PTPRM: variants seen among roughly 807,000 people sequenced by gnomAD.
PTPRM encodes the protein receptor-type tyrosine-protein phosphatase mu.
A neutral mutation model predicts 186.7 loss-of-function variants in PTPRM; 47 were observed. The observed-to-expected ratio is 0.25, with a 90% CI of 0.20 to 0.32. The LOEUF is 0.32. Among genes scored for constraint, PTPRM ranks in the 10% least tolerant of loss-of-function variants. PTPRM has a pLI of 1.00. For synonymous variants in PTPRM, 668 were observed against 674.9 expected (o/e 0.99, Z 0.16); for missense variants, 1,494 against 1,865.0 (o/e 0.80, Z 3.66).
intron 19 of PTPRM, among the ~76,000 whole-genome samples, chr18:8,259,131 T>C (rs1384336162): frequency 6.6e-6 from 1 of 152,108 alleles, no homozygotes; most frequent in Non-Finnish European, 1.5e-5. Flanking sequence ...GTATTTTTAG[T>C]AGAGATGGAT....
intron 7 of PTPRM, among the ~76,000 whole-genome samples, chr18:8,047,731 A>G (rs1316481239): frequency 6.6e-6 from 1 of 151,948 alleles, no homozygotes; most frequent in Non-Finnish European, 1.5e-5. Flanking sequence ...GAAGAGGGTA[A>G]GATGGGTGTG....
intron 20 of PTPRM, among the ~76,000 whole-genome samples, chr18:8,303,400 T>C (rs770931092): frequency 1.2e-4 from 19 of 152,176 alleles, no homozygotes; most frequent in Non-Finnish European, 2.5e-4. Context: ...GTTGCTCACA[T>C]TGAAGGCTTC....
At chr18:8,137,138 T>C (rs1217734636) in intron 13 of PTPRM, among the ~76,000 whole-genome samples, 1 of 152,214 alleles carries the variant, frequency 6.6e-6, no homozygotes, top group African/African-American at 2.4e-5. Flanking sequence ...CCCTGTCGCA[T>C]CTCTTAAGGT....
At chr18:8,115,744 C>G (rs1290134501) in intron 13 of PTPRM, among the ~76,000 whole-genome samples, 1 of 152,046 alleles carries the variant, frequency 6.6e-6, no homozygotes, top group Non-Finnish European at 1.5e-5. Context: ...GATAAAATAA[C>G]TTTTTGTTGT....
rs117109798 is a variant in PTPRM, at chr18:8,365,214, C to T, written c.3055-5676C>T. Among the ~76,000 whole-genome samples, 1,516 of 152,324 alleles carry T rather than the reference C, an allele frequency of 1.0e-2. 11 individuals carry two copies. The highest frequency in any genetic ancestry group is 0.015 in the Non-Finnish European group (1,037 of 68,024). ...GCCCTGTAGCTGGAGTCAGAGCCTG[C>T]GTTTCAGCCTCTCCTTCACCACCAT... On this transcript the variant is annotated intron_variant, in intron 23 of 32. Coordinates refer to ENST00000580170, the MANE Select transcript of PTPRM (RefSeq NM_001105244.2).
At chr18:7,726,151 G>T (rs139971280) in intron 1 of PTPRM, among the ~76,000 whole-genome samples, 3 of 152,232 alleles carry the variant, frequency 2.0e-5, no homozygotes, top group East Asian at 3.9e-4. Context: ...GCACCAGCAC[G>T]AGTGCACTCC....
rs575406413 is a variant in PTPRM, at chr18:8,191,944, C to T, written c.2300+48165C>T. On this transcript the variant is annotated intron_variant, in intron 14 of 32. Coordinates refer to ENST00000580170, the MANE Select transcript of PTPRM (RefSeq NM_001105244.2). ...AAAGATTTCAAGTAACTTCTGAACACATATCATTTTCTATATATTCTTGTA... is the reference window on the plus strand; with the variant it reads ...AAAGATTTCAAGTAACTTCTGAACATATATCATTTTCTATATATTCTTGTA... 1.3e-3 allele frequency among the ~76,000 whole-genome samples: 197 copies of T among 152,236 alleles called. 1 individual carries two copies. The highest frequency in any genetic ancestry group is 4.6e-3 in the African/African-American group (189 of 41,530).
At chr18:8,272,789 C>A (rs555225581) in intron 19 of PTPRM, among the ~76,000 whole-genome samples, 1 of 152,086 alleles carries the variant, frequency 6.6e-6, no homozygotes, top group Admixed American at 6.5e-5. Context: ...TTAGATCAAG[C>A]TTTTGTTCAC....
At chr18:7,661,424 C>G (rs2038978314) in intron 1 of PTPRM, among the ~76,000 whole-genome samples, 1 of 152,224 alleles carries the variant, frequency 6.6e-6, no homozygotes, top group South Asian at 2.1e-4. Flanking sequence ...TTGTAAAGAC[C>G]TTAGCCCTGA....
At position 7,791,111 on chromosome 18, in the gene PTPRM, G is replaced by A. The variant is rs181403381; in HGVS notation, c.196+16840G>A. On this transcript the variant is annotated intron_variant, in intron 2 of 32. Coordinates refer to ENST00000580170, the MANE Select transcript of PTPRM (RefSeq NM_001105244.2). The stretch of plus-strand genomic sequence containing the variant: ...TAAATAATGAATTACATTCATGTAA[G>A]ACATTTTTACTTACCTTTTATGCCA... 7.9e-5 allele frequency among the ~76,000 whole-genome samples: 12 copies of A among 152,160 alleles called. No homozygotes were observed. In the East Asian group the frequency reaches 2.1e-3, roughly 27 times the overall value.
intron 10 of PTPRM, among the ~76,000 whole-genome samples, chr18:8,088,212 T>C (rs10083946): frequency 0.022 from 3,399 of 152,284 alleles, 54 homozygotes; most frequent in African/African-American, 0.047. Context: ...CTGTCATGCT[T>C]TTCTGAGAGC....
At chr18:7,623,193 C>T (rs113592601) in intron 1 of PTPRM, among the ~76,000 whole-genome samples, 57 of 152,066 alleles carry the variant, frequency 3.7e-4, no homozygotes, top group Admixed American at 6.5e-4. Context: ...TTACTTAAAA[C>T]GATTTTGCTT....
At chr18:8,405,339 TC>T (rs2095899319) in intron 32 of PTPRM, among the ~76,000 whole-genome samples, 1 of 152,054 alleles carries the variant, frequency 6.6e-6, no homozygotes, top group South Asian at 2.1e-4. Context: ...ACGTACTTTA[TC>T]CAAACTAGGG....
At chr18:7,597,555 C>A (rs1482955278) in intron 1 of PTPRM, among the ~76,000 whole-genome samples, 1 of 152,152 alleles carries the variant, frequency 6.6e-6, no homozygotes, top group African/African-American at 2.4e-5. Context: ...GTCACTGCCA[C>A]AACCTGAGGT....
rs7242633 is a variant in PTPRM at position 7,768,786 on chromosome 18, A to G, written c.74-5363A>G. On this transcript the variant is annotated intron_variant, in intron 1 of 32. Coordinates refer to ENST00000580170, the MANE Select transcript of PTPRM (RefSeq NM_001105244.2). ...CTCAGCCTCCCGAGTAGCTGGGATTACAGGCATGTGCCACCACACCTGGCT... is the reference window on the plus strand; with the variant it reads ...CTCAGCCTCCCGAGTAGCTGGGATTGCAGGCATGTGCCACCACACCTGGCT... Among the ~76,000 whole-genome samples, 367 of 151,874 alleles carry G rather than the reference A, an allele frequency of 2.4e-3. 4 individuals carry two copies. Among genetic ancestry groups the G allele is most frequent in the African/African-American group, 8.6e-3 (358 of 41,404 alleles).
At chr18:8,284,779 A>G (rs1200966452) in intron 19 of PTPRM, among the ~76,000 whole-genome samples, 1 of 152,142 alleles carries the variant, frequency 6.6e-6, no homozygotes, top group Non-Finnish European at 1.5e-5. Context: ...TAATACTAAC[A>G]ATAACACAGG....
At chr18:7,626,143 C>T (rs576877262) in intron 1 of PTPRM, among the ~76,000 whole-genome samples, 1 of 152,230 alleles carries the variant, frequency 6.6e-6, no homozygotes, top group Non-Finnish European at 1.5e-5. Flanking sequence ...AGGAAAGGCT[C>T]TGTAGCCCCG....
chr18:8,401,745 G>C (rs2095873390), intron 32 of PTPRM, among the ~76,000 whole-genome samples: 1 of 152,252 alleles, frequency 6.6e-6, no homozygotes, highest in South Asian at 2.1e-4. Context: ...CCGCTGGTGT[G>C]CTGGCCTCGT....
intron 2 of PTPRM, among the ~76,000 whole-genome samples, chr18:7,827,135 G>T (rs994474636): frequency 6.6e-6 from 1 of 152,066 alleles, no homozygotes; most frequent in African/African-American, 2.4e-5. Context: ...TATTGTGTAT[G>T]GACTGTGTTC....
Sources: gnomAD v4.1 joint callset for allele counts (sites outside exome capture counted in the v4.1 genomes callset) on GRCh38, gnomAD v4.1.1 for gene constraint, MANE v1.5 for transcripts, NCBI Gene and HGNC (gene_info 2026-07-23, HGNC 2026-07-21) for gene names.